The following BRD1 variants were observed in gnomAD, a reference collection of about 807,000 sequenced individuals.
The protein encoded by BRD1 is bromodomain-containing protein 1.
A neutral mutation model predicts 107.7 loss-of-function variants in BRD1; 24 were observed. That is an observed-to-expected ratio of 0.22 (90% confidence interval 0.16 to 0.31). The LOEUF is 0.31. BRD1 is among the 10% of genes least tolerant of loss of function. The probability of loss-of-function intolerance (pLI) is 1.00; values close to 1 mark genes in which losing one functional copy is unlikely to be tolerated. For missense variants in BRD1, 1,279 were observed against 1,638.6 expected (o/e 0.78, Z 3.79); for synonymous variants, 744 against 686.1 (o/e 1.08, Z -1.32).
Position 49,824,521 on chromosome 22 carries a change from A to AG in BRD1, c.-14-191dup. 1 of 1,410,510 alleles carries AG rather than the reference A, an allele frequency of 7.1e-7. No homozygotes were observed. Among genetic ancestry groups the AG allele is most frequent in the Non-Finnish European group, 9.2e-7 (1 of 1,085,968 alleles). 87.4% of individuals were successfully genotyped at this position (1,410,510 alleles called of 1,614,324 possible). A position where few individuals can be genotyped will look rare whatever the true frequency, so the allele number is the denominator to read the frequency against. On this transcript the variant is annotated intron_variant, in intron 1 of 12. Coordinates refer to ENST00000404760, the MANE Select transcript of BRD1 (RefSeq NM_001304808.3). The surrounding 1 kb of genome is among the most constrained non-coding windows in gnomAD (Gnocchi z 5.9). ...CCTGAGCGAGTCCCCAGGACCAGGG[A>AG]GGGAGCAGCAGTAACAGGCAGAGAG...
intron 3 of BRD1, among the ~76,000 whole-genome samples, chr22:49,801,888 G>A (rs2059648174): frequency 6.6e-6 from 1 of 152,164 alleles, no homozygotes; most frequent in Admixed American, 6.5e-5. Context: ...CCTGCCCACT[G>A]GCCCACGTGT....
rs759388661 is a variant in BRD1, at chr22:49,799,124, G to A, written c.1525-5C>T. ...CATCTCCTCATCATTTTCTCTCTGA[G>A]AACAGTGAACACTTCCGTCAGTCAA... On this transcript the variant is annotated splice_polypyrimidine_tract_variant and splice_region_variant and intron_variant, in intron 3 of 12. Transcript: ENST00000404760. 1 of 1,604,290 alleles carries A rather than the reference G, an allele frequency of 6.2e-7. No homozygotes were observed. The highest frequency in any genetic ancestry group is 1.3e-5 in the African/African-American group (1 of 75,032).
chr22:49,779,071 C>T (rs2146947358), intron 8 of BRD1, among the ~76,000 whole-genome samples: 1 of 152,178 alleles, frequency 6.6e-6, no homozygotes, highest in East Asian at 1.9e-4. Context: ...GTAAATAGAG[C>T]ATTTCTGTAG....
At position 49,787,681 on chromosome 22, in the gene BRD1, G is replaced by C; in HGVS notation, c.2566C>G (p.Arg856Gly). The C allele has an allele frequency of 6.4e-7, 1 of 1,550,660 alleles. No individual in the cohort carries two copies. Among genetic ancestry groups the C allele is most frequent in the South Asian group, 1.2e-5 (1 of 84,062 alleles). The change falls in exon 8 of 13, where the codon CGC (arginine) becomes GGC (glycine). Residue 856 changes from arginine (R) to glycine (G), a missense_variant. Coordinates refer to ENST00000404760, the MANE Select transcript of BRD1 (RefSeq NM_001304808.3). ...GCCGGCACATCGCCACTACTGGCGC[G>C]GGTGGGCTCTGGAGGGCGTCCGCTT... The part of the protein sequence containing the change: ...LVSGRPPEPT[R>G]ASSGDVPAAA...
intron 8 of BRD1, among the ~76,000 whole-genome samples, chr22:49,785,124 G>A (rs979230608): frequency 3.9e-5 from 6 of 152,276 alleles, no homozygotes; most frequent in African/African-American, 1.4e-4. Context: ...CAGTGGCCCG[G>A]AGGGGACACG....
intron 2 of BRD1, among the ~76,000 whole-genome samples, chr22:49,816,957 C>T (rs1013784605): frequency 2.2e-4 from 34 of 152,208 alleles, no homozygotes; most frequent in African/African-American, 2.4e-4. Context: ...GCTATCCATC[C>T]GCCAGGACCT....
At position 49,794,161 on chromosome 22, in the gene BRD1, G is replaced by A; in HGVS notation, c.2232C>T (p.Leu744=). 1.9e-6 allele frequency: 3 copies of A among 1,614,244 alleles called. No individual in the cohort carries two copies. Among genetic ancestry groups the A allele is most frequent in the Non-Finnish European group, 2.5e-6 (3 of 1,180,056 alleles). Reference sequence around the variant, plus strand: ...TTCGGAGAAGGGCAATTTCCTTTTTGAGCAGCTTTGCCCGCTTGCTCCGGG... The same window carrying A: ...TTCGGAGAAGGGCAATTTCCTTTTTAAGCAGCTTTGCCCGCTTGCTCCGGG... ...SGSRSKRAKL[L]KKEIALLRNK... Residue 744 remains leucine (L), a synonymous_variant, in exon 7 of 13, where the codon CTC becomes CTT. Coordinates refer to ENST00000404760, the MANE Select transcript of BRD1 (RefSeq NM_001304808.3).
chr22:49,823,250 C>T lies in BRD1; in HGVS notation c.1068G>A (p.Gln356=). 1 of 1,614,246 alleles carries T rather than the reference C, an allele frequency of 6.2e-7. No individual in the cohort carries two copies. Among genetic ancestry groups the T allele is most frequent in the South Asian group, 1.1e-5 (1 of 91,090 alleles). Residue 356 remains glutamine, a synonymous_variant, in exon 2 of 13, where the codon CAG becomes CAA. Transcript: ENST00000404760. The part of the protein sequence containing the change: ...CYTAFHVTCA[Q]KAGLYMKMEP... The stretch of plus-strand genomic sequence containing the variant: ...CCATTTTCATGTACAGGCCAGCCTT[C>T]TGGGCACACGTCACATGGAATGCTG...
At chr22:49,780,233 C>T (rs1243708325) in intron 8 of BRD1, among the ~76,000 whole-genome samples, 4 of 152,230 alleles carry the variant, frequency 2.6e-5, no homozygotes, top group East Asian at 1.9e-4. Flanking sequence ...GCCCCGGCTC[C>T]GTGTGCATGG....
Position 49,777,079 on chromosome 22 carries a change from A to C in BRD1, c.3076T>G (p.Cys1026Gly). ...TLEDRSELIS[C>G]IENGNYAKAA... ...TTGGCGTAGTTCCCATTCTCGATGCAGGAGATCAGCTCACTGCGGTCCTCC... is the reference window on the plus strand; with the variant it reads ...TTGGCGTAGTTCCCATTCTCGATGCCGGAGATCAGCTCACTGCGGTCCTCC... The change falls in exon 10 of 13, where the codon TGC (cysteine) becomes GGC (glycine). Residue 1026 changes from cysteine to glycine, a missense_variant. Cys to Gly is a radical substitution (Grantham distance 159). Coordinates refer to ENST00000404760, the MANE Select transcript of BRD1 (RefSeq NM_001304808.3). 1 of 1,613,316 alleles carries C rather than the reference A, an allele frequency of 6.2e-7. No homozygotes were observed. Among genetic ancestry groups the C allele is most frequent in the Non-Finnish European group, 8.5e-7 (1 of 1,179,998 alleles).
intron 8 of BRD1, 41 bp from the exon 9 acceptor site, chr22:49,777,854 G>A (rs1014050462): frequency 1.3e-5 from 20 of 1,563,144 alleles, no homozygotes; most frequent in Non-Finnish European, 1.7e-5. Flanking sequence ...AGCACAACCA[G>A]GGCACACTGA....
chr22:49,799,939 G>C (rs2059610795), intron 3 of BRD1, among the ~76,000 whole-genome samples: 1 of 152,206 alleles, frequency 6.6e-6, no homozygotes, highest in African/African-American at 2.4e-5. Flanking sequence ...CTACCTCAAA[G>C]GGGAGAGGAA....
chr22:49,817,915 A>G (rs1005251970), intron 2 of BRD1, among the ~76,000 whole-genome samples: 3 of 152,138 alleles, frequency 2.0e-5, no homozygotes, highest in Non-Finnish European at 4.4e-5. Context: ...GGCTCAAGCA[A>G]TCCACCCACC....
chr22:49,799,830 G>C (rs1472366719), intron 3 of BRD1, among the ~76,000 whole-genome samples: 1 of 152,224 alleles, frequency 6.6e-6, no homozygotes, highest in Admixed American at 6.5e-5. Flanking sequence ...GGTCGCAGGA[G>C]AGTAGGCCAC....
intron 5 of BRD1, among the ~76,000 whole-genome samples, chr22:49,798,329 C>T (rs1246349638): frequency 6.6e-6 from 1 of 152,240 alleles, no homozygotes; most frequent in Non-Finnish European, 1.5e-5. Flanking sequence ...CGGGCGGATG[C>T]TGCCACAGCC....
chr22:49,787,973 A>G, intron 7 of BRD1, 86 bp from the exon 8 acceptor site: 1 of 1,238,232 alleles, frequency 8.1e-7, no homozygotes, highest in Non-Finnish European at 1.1e-6. Flanking sequence ...GAAGTCCACC[A>G]AAATACTAAT....
chr22:49,787,716 C>A lies in BRD1; in HGVS notation c.2531G>T (p.Ser844Ile). Residue 844 changes from serine (S) to isoleucine (I), a missense_variant, in exon 8 of 13, where the codon AGC becomes ATC. Around this residue, in one of 7 missense-constraint regions of BRD1, gnomAD observed 406 missense variants for 519.4 expected, o/e 0.78. Transcript: ENST00000404760. ...TGGAGGGCGTCCGCTTACCAGTGCG[C>A]TCTGAGTGCAAGCGCTATGTGATTC... ...DNESHSACTQ[S>I]ALVSGRPPEP... 1 of 1,550,820 alleles carries A rather than the reference C, an allele frequency of 6.4e-7. No individual in the cohort carries two copies. The highest frequency in any genetic ancestry group is 8.7e-7 in the Non-Finnish European group (1 of 1,147,060).
rs1182747208 is a variant in BRD1, at chr22:49,797,298, T to TA, written c.2098+506dup. ...CTACAACATGCGCAAACCACGAAGT[T>TA]AAAGGGCTGGAGGCAAAGCCAGAGA... On this transcript the variant is annotated intron_variant, in intron 6 of 12. Transcript: ENST00000404760. Among the ~76,000 whole-genome samples, 4 of 152,202 alleles carry TA rather than the reference T, an allele frequency of 2.6e-5. No homozygotes were observed. In the East Asian group the frequency reaches 7.7e-4, roughly 29 times the overall value.
At chr22:49,825,913 G>C (rs1400482128) in intron 1 of BRD1, 1 of 152,234 alleles carries the variant, frequency 6.6e-6, no homozygotes, top group Non-Finnish European at 1.5e-5. Context: ...ATTACCTACA[G>C]AAAGGAATAG....
Sources: allele counts gnomAD v4.1 joint callset (sites outside exome capture counted in the v4.1 genomes callset), GRCh38; gene constraint gnomAD v4.1.1; regional missense constraint gnomAD v4.1.1; non-coding constraint Gnocchi (gnomAD v3.1); transcripts MANE v1.5; gene names NCBI Gene and HGNC (gene_info 2026-07-23, HGNC 2026-07-21).